The following CNTD1 variants were observed in gnomAD, a reference collection of about 807,000 sequenced individuals.
The protein encoded by CNTD1 is cyclin N-terminal domain-containing protein 1.
Under a neutral mutation model 36.3 loss-of-function variants are expected in CNTD1, and 17 were observed. The ratio of observed to expected loss-of-function variants is 0.47; its 90% confidence interval spans 0.32 to 0.70. The LOEUF is 0.70. Ranked by LOEUF, CNTD1 falls within the 30% of genes least tolerant of loss-of-function variation. CNTD1 has a pLI of 0.03. For synonymous variants in CNTD1, 128 were observed against 153.3 expected, an observed-to-expected ratio of 0.83 and a Z score of 1.22; for missense variants, 338 against 386.1, an observed-to-expected ratio of 0.88 and a Z score of 1.04.
chr17:42,804,606 AAG>A (rs2054848009), intron 3 of CNTD1, among the ~76,000 whole-genome samples: 1 of 152,142 alleles, frequency 6.6e-6, no homozygotes, highest in Admixed American at 6.5e-5. Flanking sequence ...TCAGGAGTTC[AAG>A]ACCAGCCTTG....
At position 42,807,810 on chromosome 17, in the gene CNTD1, A is replaced by C. The variant is rs1464749135; in HGVS notation, c.768A>C (p.Ala256=). The C allele has an allele frequency of 1.1e-5, 18 of 1,614,078 alleles. No homozygotes were observed. The highest frequency in any genetic ancestry group is 1.4e-5 in the Non-Finnish European group (16 of 1,180,006). Residue 256 remains alanine (A), a synonymous_variant, in exon 6 of 7, where the codon GCA becomes GCC. Coordinates refer to ENST00000588408, the MANE Select transcript of CNTD1 (RefSeq NM_173478.3). ...TGAAGGAAGACTTCATGCTGTTGGC[A>C]GTAGGAATCATTGCAGCAAGTGCTT... ...TSVKEDFMLL[A]VGIIAASAFI... is the part of the protein sequence containing the mutation.
At chr17:42,801,086 G>A (rs1172958916) in intron 1 of CNTD1, among the ~76,000 whole-genome samples, 2 of 151,612 alleles carry the variant, frequency 1.3e-5, no homozygotes, top group South Asian at 2.1e-4. Flanking sequence ...TCGGGAGGCC[G>A]AGGCAGGGGA....
rs2054886102 is a variant in CNTD1, at chr17:42,806,781, G to C, written c.688G>C (p.Ala230Pro). The change falls in exon 5 of 7, where the codon GCT becomes CCT. Residue 230 changes from alanine to proline, a missense_variant. Ala to Pro is a conservative substitution (Grantham distance 27, BLOSUM62 -1). Transcript: ENST00000588408. ...HEPIYESLLR[A>P]SIENSTPSQL... Reference sequence around the variant, plus strand: ...ACCCATATATGAGAGCCTGTTGAGGGCTTCAATTGAGAACTCCACTCCCAG... The same window carrying C: ...ACCCATATATGAGAGCCTGTTGAGGCCTTCAATTGAGAACTCCACTCCCAG... 9 of 1,613,996 alleles carry C rather than the reference G, an allele frequency of 5.6e-6. No individual in the cohort carries two copies. Among genetic ancestry groups the C allele is most frequent in the African/African-American group, 2.7e-5 (2 of 74,888 alleles).
intron 1 of CNTD1, among the ~76,000 whole-genome samples, chr17:42,801,540 T>A (rs1255957958): frequency 1.5e-5 from 1 of 65,138 alleles, no homozygotes; most frequent in Non-Finnish European, 2.7e-5. Flanking sequence ...TATATATATA[T>A]ATATATAATA....
chr17:42,803,997 C>T (rs959407651), intron 2 of CNTD1, among the ~76,000 whole-genome samples: 4 of 151,576 alleles, frequency 2.6e-5, no homozygotes, highest in Admixed American at 6.6e-5. Flanking sequence ...CTCCACACTT[C>T]GCACTTGGCT....
chr17:42,808,038 GT>G (rs2054908969), intron 6 of CNTD1, 174 bp downstream of exon 6: 4 of 530,166 alleles, frequency 7.5e-6, no homozygotes, highest in Non-Finnish European at 1.0e-5. Flanking sequence ...ATGTTTCCTT[GT>G]TTTCCTTTTA....
At chr17:42,801,204 C>A (rs1418866735) in intron 1 of CNTD1, among the ~76,000 whole-genome samples, 288 of 135,282 alleles carry the variant, frequency 2.1e-3, no homozygotes, top group African/African-American at 8.4e-3. Flanking sequence ...AAAAAAACAA[C>A]AACAAAAAAA....
intron 1 of CNTD1, among the ~76,000 whole-genome samples, chr17:42,802,062 T>G (rs1463925545): frequency 6.6e-6 from 1 of 152,016 alleles, no homozygotes; most frequent in Non-Finnish European, 1.5e-5. Context: ...GATAGAAAAT[T>G]AGGAAGTGAA....
At chr17:42,807,176 G>A (rs1164247390) in intron 5 of CNTD1, among the ~76,000 whole-genome samples, 1 of 152,074 alleles carries the variant, frequency 6.6e-6, no homozygotes, top group African/African-American at 2.4e-5. Context: ...AGCACTTCAG[G>A]AGGCTGAGGC....
At position 42,810,853 on chromosome 17, in the gene CNTD1, G is replaced by A; in HGVS notation, c.*1318G>A. ...GAGCTTTTGTCCACTGCTCCTCAGAGTTAAACTGGGTTTTGATGGAATAGG... is the reference window on the plus strand; with the variant it reads ...GAGCTTTTGTCCACTGCTCCTCAGAATTAAACTGGGTTTTGATGGAATAGG... On this transcript the variant is annotated 3_prime_UTR_variant, in exon 7 of 7. Transcript: ENST00000588408. 13 of 1,613,600 alleles carry A rather than the reference G, an allele frequency of 8.1e-6. No individual in the cohort carries two copies. Among genetic ancestry groups the A allele is most frequent in the Non-Finnish European group, 1.0e-5 (12 of 1,179,804 alleles).
chr17:42,808,002 AGGG>A, intron 6 of CNTD1, 138 bp downstream of exon 6: 1 of 622,684 alleles, frequency 1.6e-6, no homozygotes, highest in Admixed American at 3.0e-5. Context: ...AAGATTTGAG[AGGG>A]AAAAATCTAG....
At position 42,809,601 on chromosome 17, in the gene CNTD1, T is replaced by C; in HGVS notation, c.*66T>C. 7.0e-7 allele frequency: 1 copy of C among 1,433,292 alleles called. No homozygotes were observed. The highest frequency in any genetic ancestry group is 1.2e-5 in the South Asian group (1 of 81,776). The allele number at this position is 1,433,292 out of a possible 1,614,324, so 88.8% of individuals were successfully genotyped here. A position where few individuals can be genotyped will look rare whatever the true frequency, so the allele number is the denominator to read the frequency against. Reference sequence around the variant, plus strand: ...TGCACTCATGCCTCCCTCTGTTTACTTTCATACTAAGGGTACAAAAATTCC... The same window carrying C: ...TGCACTCATGCCTCCCTCTGTTTACCTTCATACTAAGGGTACAAAAATTCC... On this transcript the variant is annotated 3_prime_UTR_variant, in exon 7 of 7. Coordinates refer to ENST00000588408, the MANE Select transcript of CNTD1 (RefSeq NM_173478.3).
At position 42,811,561 on chromosome 17, in the gene CNTD1, A is replaced by G. The variant is rs1597924652; in HGVS notation, c.*2026A>G. The stretch of plus-strand genomic sequence containing the variant: ...TTCTGTGCCATTTTTTTGCTTTCCC[A>G]CCATTTATACTGTTTTGCCTCCATT... On this transcript the variant is annotated 3_prime_UTR_variant, in exon 7 of 7. Transcript: ENST00000588408. 4 of 1,497,358 alleles carry G rather than the reference A, an allele frequency of 2.7e-6. No homozygotes were observed. The East Asian group carries it at 9.2e-5, about 35-fold the overall frequency. The allele number at this position is 1,497,358 out of a possible 1,614,324, so 92.8% of individuals were successfully genotyped here. A position where few individuals can be genotyped will look rare whatever the true frequency, so the allele number is the denominator to read the frequency against.
Position 42,799,015 on chromosome 17 carries a change from G to A in CNTD1, c.-53G>A, listed in dbSNP as rs542028382. 3.1e-6 allele frequency: 5 copies of A among 1,596,160 alleles called. No individual in the cohort carries two copies. Among genetic ancestry groups the A allele is most frequent in the African/African-American group, 1.3e-5 (1 of 74,168 alleles). Reference sequence around the variant, plus strand: ...AGAAGACTGGAGAGGAGCTAAGGGGGTCGGTATGTGGATCCAGTGAACCCG... The same window carrying A: ...AGAAGACTGGAGAGGAGCTAAGGGGATCGGTATGTGGATCCAGTGAACCCG... On this transcript the variant is annotated 5_prime_UTR_variant, in exon 1 of 7. Coordinates refer to ENST00000588408, the MANE Select transcript of CNTD1 (RefSeq NM_173478.3).
chr17:42,805,635 GC>G lies in CNTD1; in HGVS notation c.418-86del, dbSNP rs1316340957. The G allele has an allele frequency of 3.9e-5, 45 of 1,150,122 alleles. No individual in the cohort carries two copies. The East Asian group carries it at 1.0e-3, about 26-fold the overall frequency. 71.2% of individuals were successfully genotyped at this position (1,150,122 alleles called of 1,614,324 possible). On this transcript the variant is annotated intron_variant, in intron 3 of 6. Coordinates refer to ENST00000588408, the MANE Select transcript of CNTD1 (RefSeq NM_173478.3). ...GACAAGACTGAAGATGAAGGAATAGGCTGGATTATGAAGGGCTTTGTGCACT... is the reference window on the plus strand; with the variant it reads ...GACAAGACTGAAGATGAAGGAATAGGTGGATTATGAAGGGCTTTGTGCACT...
chr17:42,804,137 C>T, intron 2 of CNTD1, 88 bp from the exon 3 acceptor site: 1 of 1,269,782 alleles, frequency 7.9e-7, no homozygotes, highest in South Asian at 1.4e-5. Flanking sequence ...CCATGCTCAG[C>T]CTCAAATGTA....
At chr17:42,808,034 C>T in intron 6 of CNTD1, 170 bp downstream of exon 6, 1 of 531,150 alleles carries the variant, frequency 1.9e-6, no homozygotes, top group Non-Finnish European at 3.3e-6. Context: ...TGAAATGTTT[C>T]CTTGTTTTCC....
At chr17:42,803,549 C>A (rs1324176026) in intron 1 of CNTD1, 71 bp from the exon 2 acceptor site, 1 of 1,223,696 alleles carries the variant, frequency 8.2e-7, no homozygotes, top group East Asian at 2.3e-5. Context: ...GGCTTTTACA[C>A]AATGCCAAGA....
chr17:42,803,243 G>A (rs2054824112), intron 1 of CNTD1, among the ~76,000 whole-genome samples: 1 of 152,202 alleles, frequency 6.6e-6, no homozygotes, highest in Admixed American at 6.5e-5. Flanking sequence ...TAGGAGTTAG[G>A]GTTTTTATCC....
Sources: gnomAD v4.1 joint callset for allele counts (sites outside exome capture counted in the v4.1 genomes callset) on GRCh38, gnomAD v4.1.1 for gene constraint, MANE v1.5 for transcripts, NCBI Gene and HGNC (gene_info 2026-07-23, HGNC 2026-07-21) for gene names.